ZNF469: variants seen among roughly 807,000 people sequenced by gnomAD.
ZNF469 encodes zinc finger protein 469.
Under a neutral mutation model 1.0 loss-of-function variants are expected in ZNF469, and 1 was observed. The observed-to-expected ratio is 1.00, with a 90% CI of 0.35 to 4.73. The LOEUF (loss-of-function observed/expected upper bound fraction) is 4.73. Ranked by LOEUF, ZNF469 falls within the 30% of genes most tolerant of loss-of-function variation. The probability of loss-of-function intolerance (pLI) is 0.16; values close to 1 mark genes in which losing one functional copy is unlikely to be tolerated. For missense variants in ZNF469, 6,100 were observed against 5,356.3 expected (o/e 1.14, Z -4.33); for synonymous variants, 2,703 against 2,363.4 (o/e 1.14, Z -4.17).
At chr16:88,403,806 G>GT (rs1021652453) in intron 1 of ZNF469, among the ~76,000 whole-genome samples, 20 of 152,208 alleles carry the variant, frequency 1.3e-4, no homozygotes, top group Non-Finnish European at 2.4e-4. Flanking sequence ...GGCCTGTCTG[G>GT]ATGCCTCCCG....
chr16:88,301,347 G>A, the ZNF469 span, among the ~76,000 whole-genome samples: 1 of 152,000 alleles, frequency 6.6e-6, no homozygotes, highest in Admixed American at 6.6e-5. Flanking sequence ...GTAGAGACGG[G>A]GTCTCACCAT....
the ZNF469 span, among the ~76,000 whole-genome samples, chr16:88,256,895 C>CTTTCTTTCTTTCTTTCTTTCTTTCT: frequency 1.9e-5 from 1 of 51,430 alleles, no homozygotes; most frequent in African/African-American, 6.9e-5. Flanking sequence ...CTTTTCTTTC[C>CTTTCTTTCTTTCTTTCTTTCTTTCT]TTCTTTCTTT....
the ZNF469 span, among the ~76,000 whole-genome samples, chr16:88,297,469 G>A: frequency 2.6e-5 from 4 of 152,270 alleles, no homozygotes; most frequent in Admixed American, 6.5e-5. Context: ...CTGCCCACAC[G>A]TGGCCTGGAG....
rs770737265 is a variant in ZNF469, at chr16:88,434,358, G to T, written c.6888G>T (p.Glu2296Asp). 19 of 1,550,144 alleles carry T rather than the reference G, an allele frequency of 1.2e-5. No homozygotes were observed. In the South Asian group the frequency reaches 2.3e-4, roughly 18 times the overall value. The change falls in exon 3 of 3, where the codon GAG (glutamate) becomes GAT (aspartate). Residue 2296 changes from glutamate (E) to aspartate (D), a missense_variant. Glu to Asp is a conservative substitution (Grantham distance 45). Transcript: ENST00000565624. ...TGTCCAGCACTCCCACCGGAGATGA[G>T]GCACAGGCAGGCAGGGGACTCCCAG... ...TGLSSTPTGDEAQAGRGLPGP... is the reference protein window; with the variant it reads ...TGLSSTPTGDDAQAGRGLPGP...
chr16:88,376,179 G>C, the ZNF469 span, among the ~76,000 whole-genome samples: 1 of 152,270 alleles, frequency 6.6e-6, no homozygotes, highest in Non-Finnish European at 1.5e-5. Flanking sequence ...AGTCGCCCCA[G>C]CAACACAAAA....
chr16:88,367,473 T>G, the ZNF469 span, among the ~76,000 whole-genome samples: 1 of 152,202 alleles, frequency 6.6e-6, no homozygotes, highest in African/African-American at 2.4e-5. Flanking sequence ...CTTCGCCACC[T>G]TTTCCCAGGG....
chr16:88,284,307 T>A, the ZNF469 span, among the ~76,000 whole-genome samples: 1 of 152,206 alleles, frequency 6.6e-6, no homozygotes, highest in Non-Finnish European at 1.5e-5. Flanking sequence ...GACGCCAGGC[T>A]GGGCACAATG....
chr16:88,240,584 A>T, the ZNF469 span, among the ~76,000 whole-genome samples: 3 of 152,112 alleles, frequency 2.0e-5, no homozygotes, highest in South Asian at 4.1e-4. Context: ...TCAACCAGAG[A>T]GCGAGAGAAG....
At chr16:88,161,243 T>G in the ZNF469 span, among the ~76,000 whole-genome samples, 1 of 152,024 alleles carries the variant, frequency 6.6e-6, no homozygotes, top group Non-Finnish European at 1.5e-5. Flanking sequence ...AAATACCAAT[T>G]CTGGTGGAGC....
At chr16:88,223,632 G>A in the ZNF469 span, among the ~76,000 whole-genome samples, 1 of 152,324 alleles carries the variant, frequency 6.6e-6, no homozygotes, top group Non-Finnish European at 1.5e-5. Flanking sequence ...CGACCCTGGT[G>A]CCTGAAGCCG....
the ZNF469 span, among the ~76,000 whole-genome samples, chr16:88,331,207 TCACAACCGTCACCACCACCACC>T: frequency 8.6e-6 from 1 of 115,844 alleles, no homozygotes; most frequent in African/African-American, 3.5e-5. Flanking sequence ...ACCACCACCA[TCACAACCGTCACCACCACCACC>T]ATCACCACCA....
chr16:88,405,833 C>T (rs1905014305), intron 1 of ZNF469, among the ~76,000 whole-genome samples: 1 of 152,250 alleles, frequency 6.6e-6, no homozygotes, highest in Non-Finnish European at 1.5e-5. Flanking sequence ...ACGCCTCCAG[C>T]CCTGCAGCTC....
chr16:88,172,387 G>T, the ZNF469 span, among the ~76,000 whole-genome samples: 1 of 152,258 alleles, frequency 6.6e-6, no homozygotes, highest in South Asian at 2.1e-4. Flanking sequence ...ATCCTCAGAA[G>T]AGTGTTGCCT....
chr16:88,247,505 G>GGAATGAGTGAGT, the ZNF469 span, among the ~76,000 whole-genome samples: 8 of 144,568 alleles, frequency 5.5e-5, no homozygotes, highest in African/African-American at 7.7e-5. Context: ...AGTGAGTGAG[G>GGAATGAGTGAGT]GAATGAGTGA....
At chr16:88,356,795 G>C in the ZNF469 span, among the ~76,000 whole-genome samples, 2 of 152,216 alleles carry the variant, frequency 1.3e-5, no homozygotes, top group African/African-American at 4.8e-5. Context: ...CTCTGCTGTT[G>C]GCCTGGAAGC....
At chr16:88,167,715 G>A in the ZNF469 span, among the ~76,000 whole-genome samples, 9 of 152,160 alleles carry the variant, frequency 5.9e-5, no homozygotes, top group African/African-American at 2.2e-4. Flanking sequence ...CTGGTCAAGG[G>A]GGCGCCCATC....
At chr16:88,294,562 G>A in the ZNF469 span, among the ~76,000 whole-genome samples, 2 of 152,214 alleles carry the variant, frequency 1.3e-5, no homozygotes, top group Non-Finnish European at 1.5e-5. Flanking sequence ...CTCATTCTTT[G>A]AAGAAAGAGG....
At chr16:88,151,735 G>A in the ZNF469 span, among the ~76,000 whole-genome samples, 6 of 152,192 alleles carry the variant, frequency 3.9e-5, no homozygotes, top group African/African-American at 1.4e-4. This position sits in a 1 kb window ranked among gnomAD's most constrained non-coding sequence, Gnocchi z 5.4. Flanking sequence ...CCTGCTGGTC[G>A]AGAAGGATCC....
chr16:88,409,178 CTG>C (rs1242364810), intron 1 of ZNF469, among the ~76,000 whole-genome samples: 1 of 152,224 alleles, frequency 6.6e-6, no homozygotes, highest in East Asian at 1.9e-4. Context: ...TGTGATGTGT[CTG>C]GGCTCAGGTC....
Sources: allele counts gnomAD v4.1 joint callset (sites outside exome capture counted in the v4.1 genomes callset), GRCh38; gene constraint gnomAD v4.1.1; non-coding constraint Gnocchi (gnomAD v3.1); transcripts MANE v1.5; gene names NCBI Gene and HGNC (gene_info 2026-07-23, HGNC 2026-07-21).